The following NFE2L3 variants were observed in gnomAD, a reference collection of about 807,000 sequenced individuals.
The protein encoded by NFE2L3 is nuclear factor erythroid 2-related factor 3.
Under a neutral mutation model 23.5 loss-of-function variants are expected in NFE2L3, and 18 were observed. The ratio of observed to expected loss-of-function variants is 0.77; its 90% CI spans 0.53 to 1.13. The LOEUF (loss-of-function observed/expected upper bound fraction) is 1.13, where lower values mean the gene tolerates loss of function less well. NFE2L3 is among the 50% of genes most tolerant of loss of function. The probability of loss-of-function intolerance (pLI) is 0.00; values close to 1 mark genes in which losing one functional copy is unlikely to be tolerated. For missense variants in NFE2L3, 1,152 were observed against 877.2 expected (o/e 1.31, Z -3.96); for synonymous variants, 424 against 354.5 (o/e 1.20, Z -2.20).
chr7:26,178,753 C>A (rs1289507381), intron 2 of NFE2L3, among the ~76,000 whole-genome samples: 2 of 152,182 alleles, frequency 1.3e-5, no homozygotes, highest in African/African-American at 4.8e-5. Flanking sequence ...GGGCTGTACT[C>A]TGATTTCTCT....
chr7:26,152,596 A>C lies in NFE2L3; in HGVS notation c.98A>C (p.Tyr33Ser). 1.3e-6 allele frequency: 2 copies of C among 1,546,780 alleles called. No homozygotes were observed. The stretch of plus-strand genomic sequence containing the variant: ...GGGCTCCGCGTAGACCTAGATCTTT[A>C]CCTGCTGCTGCCGCCGCCCACCCTG... ...LAGLRVDLDL[Y>S]LLLPPPTLLQ... The change falls in exon 1 of 4, where the codon TAC (tyrosine) becomes TCC (serine). Residue 33 changes from tyrosine to serine, a missense_variant. By Grantham distance (144) the Tyr-to-Ser change is moderately radical. Transcript: ENST00000056233. This position sits in a 1 kb window ranked among gnomAD's most constrained non-coding sequence, Gnocchi z 4.4.
intron 2 of NFE2L3, among the ~76,000 whole-genome samples, chr7:26,182,756 GGTTTTAAAAAAACAAATTGGAGTAAAT>G (rs1397032543): frequency 6.6e-6 from 1 of 151,984 alleles, no homozygotes; most frequent in Non-Finnish European, 1.5e-5. Flanking sequence ...TCGATAAATT[GGTTTTAAAAAAACAAATTGGAGTAAAT>G]GTAAATAAGT....
chr7:26,171,965 CTG>C (rs1255788780), intron 1 of NFE2L3, among the ~76,000 whole-genome samples: 3 of 152,266 alleles, frequency 2.0e-5, no homozygotes, highest in African/African-American at 7.2e-5. Context: ...AAATGACTGA[CTG>C]TATCTCAAAT....
chr7:26,167,576 C>T (rs994651093), intron 1 of NFE2L3, among the ~76,000 whole-genome samples: 9 of 151,972 alleles, frequency 5.9e-5, no homozygotes, highest in Non-Finnish European at 1.3e-4. Context: ...AAGTCACCTG[C>T]TCACAAATAA....
intron 2 of NFE2L3, among the ~76,000 whole-genome samples, chr7:26,182,160 A>C (rs1784526594): frequency 6.6e-6 from 1 of 152,004 alleles, no homozygotes; most frequent in African/African-American, 2.4e-5. Flanking sequence ...GAACGTCAAG[A>C]ACTAAGAAGA....
Position 26,186,113 on chromosome 7 carries a change from A to G in NFE2L3, c.*330A>G, listed in dbSNP as rs953913150. Reference sequence around the variant, plus strand: ...TTTAAGAGTAAGTTGGTTACTTCAAAAAGAGCAAACACTGGGGATCAAATT... The same window carrying G: ...TTTAAGAGTAAGTTGGTTACTTCAAGAAGAGCAAACACTGGGGATCAAATT... On this transcript the variant is annotated 3_prime_UTR_variant, in exon 4 of 4. Transcript: ENST00000056233. 4 of 199,880 alleles carry G rather than the reference A, an allele frequency of 2.0e-5. No homozygotes were observed. Among genetic ancestry groups the G allele is most frequent in the South Asian group, 1.7e-4 (1 of 5,892 alleles). 12.4% of individuals were successfully genotyped at this position (199,880 alleles called of 1,614,324 possible).
intron 1 of NFE2L3, among the ~76,000 whole-genome samples, chr7:26,156,550 C>T (rs1014354931): frequency 1.3e-5 from 2 of 152,182 alleles, no homozygotes; most frequent in Non-Finnish European, 2.9e-5. Flanking sequence ...ACACGCTTCC[C>T]TTCATAACCA....
chr7:26,184,371 TA>T, intron 3 of NFE2L3, 161 bp from the exon 4 acceptor site: 3 of 612,242 alleles, frequency 4.9e-6, no homozygotes, highest in Non-Finnish European at 8.5e-6. Context: ...TCACATCTCG[TA>T]TTGTATTGCC....
intron 2 of NFE2L3, among the ~76,000 whole-genome samples, chr7:26,181,383 A>G (rs953711707): frequency 6.6e-6 from 1 of 152,208 alleles, no homozygotes; most frequent in Non-Finnish European, 1.5e-5. Context: ...GAGTTAGACC[A>G]GTGAATCACT....
chr7:26,185,129 C>T lies in NFE2L3; in HGVS notation c.1431C>T (p.His477=). The change falls in exon 4 of 4, where the codon CAC becomes CAT. Residue 477 remains histidine, a synonymous_variant. Coordinates refer to ENST00000056233, the MANE Select transcript of NFE2L3 (RefSeq NM_004289.7). ...ACCCAGAACCCAGTAAGCTTTGTCA[C>T]TTGGATCAAAGTGATTCTGATTTCC... ...GYYPEPSKLC[H]LDQSDSDFHG... is the part of the protein sequence containing the mutation. The T allele has an allele frequency of 6.2e-7, 1 of 1,613,902 alleles. No individual in the cohort carries two copies.
chr7:26,152,518 G>C lies in NFE2L3; in HGVS notation c.20G>C (p.Trp7Ser), dbSNP rs1201562781. Residue 7 changes from tryptophan to serine, a missense_variant, in exon 1 of 4, where the codon TGG becomes TCG. Trp to Ser is a radical substitution (Grantham distance 177, BLOSUM62 -3). Coordinates refer to ENST00000056233, the MANE Select transcript of NFE2L3 (RefSeq NM_004289.7). This position sits in a 1 kb window ranked among gnomAD's most constrained non-coding sequence, Gnocchi z 4.4. MKHLKRWWSAGGGLLHL... is the reference protein window; with the variant it reads MKHLKRSWSAGGGLLHL... The stretch of plus-strand genomic sequence containing the variant: ...GCGGCGATGAAGCACCTGAAGCGGT[G>C]GTGGTCGGCCGGCGGCGGCCTCCTG... 1 of 1,410,762 alleles carries C rather than the reference G, an allele frequency of 7.1e-7. No individual in the cohort carries two copies. 87.4% of individuals were successfully genotyped at this position (1,410,762 alleles called of 1,614,324 possible). A position where few individuals can be genotyped will look rare whatever the true frequency, so the allele number is the denominator to read the frequency against.
intron 1 of NFE2L3, among the ~76,000 whole-genome samples, chr7:26,153,409 T>C (rs1264258820): frequency 6.6e-6 from 1 of 152,114 alleles, no homozygotes; most frequent in African/African-American, 2.4e-5. Context: ...TACACTGGGG[T>C]GTCGTTCTCT....
At chr7:26,181,178 T>C (rs1314530187) in intron 2 of NFE2L3, among the ~76,000 whole-genome samples, 2 of 152,152 alleles carry the variant, frequency 1.3e-5, no homozygotes, top group Non-Finnish European at 2.9e-5. Flanking sequence ...GGTTTCACCA[T>C]GTTGCTCAGG....
intron 1 of NFE2L3, among the ~76,000 whole-genome samples, chr7:26,162,859 C>T (rs1478775683): frequency 2.0e-5 from 3 of 151,820 alleles, no homozygotes; most frequent in African/African-American, 4.8e-5. Context: ...ATTACAGGTG[C>T]GCACCACCAC....
chr7:26,175,255 G>A (rs947740859), intron 1 of NFE2L3, among the ~76,000 whole-genome samples: 1 of 152,034 alleles, frequency 6.6e-6, no homozygotes, highest in Non-Finnish European at 1.5e-5. Context: ...AGCTACTTGG[G>A]AGGCTGAGGC....
At position 26,185,294 on chromosome 7, in the gene NFE2L3, T is replaced by A. The variant is rs367544069; in HGVS notation, c.1596T>A (p.Asp532Glu). Residue 532 changes from aspartate to glutamate, a missense_variant, in exon 4 of 4, where the codon GAT (aspartate) becomes GAA (glutamate). Transcript: ENST00000056233. Reference sequence around the variant, plus strand: ...GGAGTAGATACCTTGAAGACACAGATAGAAACTTGAGCCGTGATGAACAGC... The same window carrying A: ...GGAGTAGATACCTTGAAGACACAGAAAGAAACTTGAGCCGTGATGAACAGC... ...KIRSRYLEDT[D>E]RNLSRDEQRA... 1 of 1,613,960 alleles carries A rather than the reference T, an allele frequency of 6.2e-7. No homozygotes were observed. Among genetic ancestry groups the A allele is most frequent in the African/African-American group, 1.3e-5 (1 of 74,916 alleles).
chr7:26,182,313 TA>T (rs1562678185), intron 2 of NFE2L3, among the ~76,000 whole-genome samples: 3 of 152,002 alleles, frequency 2.0e-5, no homozygotes, highest in African/African-American at 7.3e-5. Context: ...ACTCATCATT[TA>T]AGCATGAAGG....
chr7:26,180,291 T>C (rs1055250979), intron 2 of NFE2L3, among the ~76,000 whole-genome samples: 1 of 152,110 alleles, frequency 6.6e-6, no homozygotes, highest in Non-Finnish European at 1.5e-5. Context: ...ACCCTCCCAT[T>C]TTCACTCTGA....
chr7:26,167,038 A>T (rs1404812794), intron 1 of NFE2L3, among the ~76,000 whole-genome samples: 1 of 152,210 alleles, frequency 6.6e-6, no homozygotes, highest in Non-Finnish European at 1.5e-5. Flanking sequence ...TAAGCGGCAC[A>T]CTTGCCAGTT....
Sources: allele counts gnomAD v4.1 joint callset (sites outside exome capture counted in the v4.1 genomes callset), GRCh38; gene constraint gnomAD v4.1.1; non-coding constraint Gnocchi (gnomAD v3.1); transcripts MANE v1.5; gene names NCBI Gene and HGNC (gene_info 2026-07-23, HGNC 2026-07-21).